PCDHA3: variants seen among roughly 807,000 people sequenced by gnomAD.
PCDHA3 encodes the protein protocadherin alpha 3, also known as protocadherin alpha-3.
In PCDHA3, 41 loss-of-function variants were observed where a neutral mutation model predicts 62.2. The observed-to-expected ratio is 0.66, with a 90% confidence interval of 0.51 to 0.86. PCDHA3 has a LOEUF of 0.86. Ranked by LOEUF, PCDHA3 falls within the 40% of genes least tolerant of loss-of-function variation. The pLI is 0.00. For synonymous variants in PCDHA3, 640 were observed against 555.4 expected, an observed-to-expected ratio of 1.15 and a Z score of -2.14; for missense variants, 1,304 against 1,241.2, an observed-to-expected ratio of 1.05 and a Z score of -0.76.
intron 1 of PCDHA3, among the ~76,000 whole-genome samples, chr5:140,933,721 C>G (rs957167505): frequency 6.6e-6 from 1 of 151,982 alleles, no homozygotes; most frequent in Non-Finnish European, 1.5e-5. Flanking sequence ...ATTGGTGATA[C>G]AGCTTTCTTA....
At chr5:140,947,524 A>G (rs894259499) in intron 1 of PCDHA3, among the ~76,000 whole-genome samples, 1 of 151,796 alleles carries the variant, frequency 6.6e-6, no homozygotes, top group Admixed American at 6.6e-5. Flanking sequence ...TTTAGAATCA[A>G]CTTTTCAATT....
chr5:140,977,665 A>G (rs1554238741), intron 1 of PCDHA3, among the ~76,000 whole-genome samples: 1 of 152,202 alleles, frequency 6.6e-6, no homozygotes, highest in Non-Finnish European at 1.5e-5. Flanking sequence ...AATTCTCTGC[A>G]TGCCAAATAT....
At chr5:140,981,812 A>C (rs1563492177) in intron 2 of PCDHA3, among the ~76,000 whole-genome samples, 1 of 152,052 alleles carries the variant, frequency 6.6e-6, no homozygotes, top group African/African-American at 2.4e-5. Context: ...TTTATGTTCT[A>C]TCTCTGCTTG....
chr5:140,841,116 T>G, intron 1 of PCDHA3: 1 of 615,478 alleles, frequency 1.6e-6, no homozygotes, highest in Admixed American at 3.3e-5. Context: ...GTAATTCATG[T>G]AATCATTACC....
At chr5:140,865,241 T>C (rs1581737051) in intron 1 of PCDHA3, 1 of 152,220 alleles carries the variant, frequency 6.6e-6, no homozygotes, top group Non-Finnish European at 1.5e-5. Context: ...AACACGTATT[T>C]ATAGCTGTAA....
In PCDHA3 at chr5:140,883,118, C is replaced by G. The variant is rs370331206; in HGVS notation, c.2394+79527C>G. ...AGATATAGTTTACTCATTTAGAAGG[C>G]CTGTATGGCCTGCAGTGGTATATGC... On this transcript the variant is annotated intron_variant, in intron 1 of 3. Coordinates refer to ENST00000522353, the MANE Select transcript of PCDHA3 (RefSeq NM_018906.3). The G allele has an allele frequency of 8.7e-6, 14 of 1,613,882 alleles. No individual in the cohort carries two copies. Among genetic ancestry groups the G allele is most frequent in the Non-Finnish European group, 1.2e-5 (14 of 1,180,016 alleles).
At chr5:140,979,710 A>G (rs1178718053) in intron 2 of PCDHA3, among the ~76,000 whole-genome samples, 1 of 152,268 alleles carries the variant, frequency 6.6e-6, no homozygotes, top group Non-Finnish European at 1.5e-5. Flanking sequence ...GAGGTGATCC[A>G]GTATCCATGC....
rs2150411782 is a variant in PCDHA3 at position 140,848,517 on chromosome 5, G to T, written c.2394+44926G>T. 2.4e-5 allele frequency: 38 copies of T among 1,592,614 alleles called. 5 individuals carry two copies. The highest frequency in any genetic ancestry group is 3.3e-4 in the Middle Eastern group (2 of 5,984). On this transcript the variant is annotated intron_variant, in intron 1 of 3. Coordinates refer to ENST00000522353, the MANE Select transcript of PCDHA3 (RefSeq NM_018906.3). ...TGAAATGTTATACTCAAGTCGAGGAGATCCAGAGGGTCAGCCTCTACTGCT... is the reference window on the plus strand; with the variant it reads ...TGAAATGTTATACTCAAGTCGAGGATATCCAGAGGGTCAGCCTCTACTGCT...
At chr5:140,946,249 C>T (rs930979647) in intron 1 of PCDHA3, among the ~76,000 whole-genome samples, 2 of 151,896 alleles carry the variant, frequency 1.3e-5, no homozygotes, top group Admixed American at 6.6e-5. Flanking sequence ...CATCATGAAT[C>T]ATCAGAAAAA....
At chr5:140,871,265 G>C in intron 1 of PCDHA3, 1 of 1,613,978 alleles carries the variant, frequency 6.2e-7, no homozygotes, top group South Asian at 1.1e-5. Flanking sequence ...ACGGCGCTGT[G>C]GTGGTCGGCA....
chr5:140,817,526 C>A (rs1004627140), intron 1 of PCDHA3: 2 of 152,276 alleles, frequency 1.3e-5, no homozygotes, highest in East Asian at 3.9e-4. Context: ...TTGATTTCCT[C>A]TTTTGTTGAT....
intron 1 of PCDHA3, among the ~76,000 whole-genome samples, chr5:140,932,642 T>G (rs2088501803): frequency 6.6e-6 from 1 of 151,860 alleles, no homozygotes. Context: ...AACTTTAGAA[T>G]GATGAAACTA....
intron 1 of PCDHA3, among the ~76,000 whole-genome samples, chr5:140,827,179 C>T (rs1458570601): frequency 2.6e-5 from 4 of 152,026 alleles, no homozygotes; most frequent in Non-Finnish European, 4.4e-5. Context: ...CAATAAAAGT[C>T]TTATTCAAAA....
chr5:140,966,427 C>T (rs2096001144), intron 1 of PCDHA3: 1 of 421,646 alleles, frequency 2.4e-6, no homozygotes, highest in African/African-American at 2.1e-5. Context: ...CTTGCTGAGC[C>T]CTCCTACCGC....
At chr5:140,911,158 G>A (rs1274383238) in intron 1 of PCDHA3, among the ~76,000 whole-genome samples, 1 of 152,162 alleles carries the variant, frequency 6.6e-6, no homozygotes, top group African/African-American at 2.4e-5. Context: ...TCAGACAAAT[G>A]TGGAAAGGCT....
At chr5:140,854,518 G>A (rs1446011923) in intron 1 of PCDHA3, 1 of 149,946 alleles carries the variant, frequency 6.7e-6, no homozygotes, top group Non-Finnish European at 1.5e-5. Flanking sequence ...GATGGATTAA[G>A]TGACACCCAT....
At chr5:140,832,109 C>T (rs2150199824) in intron 1 of PCDHA3, among the ~76,000 whole-genome samples, 14 of 152,240 alleles carry the variant, frequency 9.2e-5, no homozygotes, top group African/African-American at 3.4e-4. Flanking sequence ...ACATTAAAAG[C>T]AATTTAAAAT....
intron 1 of PCDHA3, chr5:140,926,643 G>A (rs1292255848): frequency 4.9e-5 from 22 of 452,632 alleles, no homozygotes; most frequent in African/African-American, 3.9e-4. Flanking sequence ...CTCAACACCC[G>A]GCCGGCTCCG....
Position 140,888,304 on chromosome 5 carries a change from T to C in PCDHA3, c.2394+84713T>C, listed in dbSNP as rs560267265. Among the ~76,000 whole-genome samples the C allele has an allele frequency of 9.2e-5, 14 of 152,272 alleles. No homozygotes were observed. The South Asian group carries it at 2.7e-3, about 29-fold the overall frequency. On this transcript the variant is annotated intron_variant, in intron 1 of 3. Transcript: ENST00000522353. The stretch of plus-strand genomic sequence containing the variant: ...CCTCTACCCCCTACCCAGGAGATAA[T>C]TTGGCAATGCCTGGATACATTTTTG...
Sources: gnomAD v4.1 joint callset for allele counts (sites outside exome capture counted in the v4.1 genomes callset) on GRCh38, gnomAD v4.1.1 for gene constraint, MANE v1.5 for transcripts, NCBI Gene and HGNC (gene_info 2026-07-23, HGNC 2026-07-21) for gene names.